SLC8A1: variants seen among roughly 807,000 people sequenced by gnomAD.
SLC8A1 encodes sodium/calcium exchanger 1.
SLC8A1 carries 18 observed loss-of-function variants against 68.3 expected under a neutral mutation model. The ratio of observed to expected loss-of-function variants is 0.26; its 90% CI spans 0.18 to 0.39. The LOEUF is 0.39. Ranked by LOEUF, SLC8A1 falls within the 10% of genes least tolerant of loss-of-function variation. The probability of loss-of-function intolerance (pLI) is 1.00; values close to 1 mark genes in which losing one functional copy is unlikely to be tolerated. For synonymous variants in SLC8A1, 475 were observed against 415.5 expected, an observed-to-expected ratio of 1.14 and a Z score of -1.74; for missense variants, 985 against 1,156.7, an observed-to-expected ratio of 0.85 and a Z score of 2.15.
chr2:40,117,818 G>A (rs950652013), intron 7 of SLC8A1, among the ~76,000 whole-genome samples: 8 of 152,002 alleles, frequency 5.3e-5, no homozygotes, highest in South Asian at 2.1e-4. Context: ...TCCTTCCTCC[G>A]TAAACTTCCA....
chr2:40,387,998 C>A (rs1191056898), intron 2 of SLC8A1, among the ~76,000 whole-genome samples: 1 of 150,626 alleles, frequency 6.6e-6, no homozygotes, highest in Non-Finnish European at 1.5e-5. Context: ...GGAAATCTCT[C>A]ATACCAGTTA....
chr2:40,193,027 G>A (rs1404789135), intron 2 of SLC8A1, among the ~76,000 whole-genome samples: 1 of 152,136 alleles, frequency 6.6e-6, no homozygotes, highest in African/African-American at 2.4e-5. Flanking sequence ...CACAGTGCTG[G>A]CACATAGTGT....
intron 2 of SLC8A1, among the ~76,000 whole-genome samples, chr2:40,241,337 C>G (rs1413161232): frequency 6.6e-6 from 1 of 152,040 alleles, no homozygotes. Context: ...AATAGACACT[C>G]TGGACTACCT....
rs543933696 is a variant in SLC8A1, at chr2:40,419,369, G to A, written c.1808+9104C>T. Among the ~76,000 whole-genome samples, 15 of 152,194 alleles carry A rather than the reference G, an allele frequency of 9.9e-5. No individual in the cohort carries two copies. The South Asian group carries it at 1.9e-3, about 19-fold the overall frequency. Reference sequence around the variant, plus strand: ...TACTCTCATACTGTCTTCTGTTTGCGTGAGCAAGAGTATGGACTAATTCCA... The same window carrying A: ...TACTCTCATACTGTCTTCTGTTTGCATGAGCAAGAGTATGGACTAATTCCA... On this transcript the variant is annotated intron_variant, in intron 2 of 7. Transcript: ENST00000406785.
chr2:40,493,650 ATTTTTTT>A (rs70957182), intron 1 of SLC8A1, among the ~76,000 whole-genome samples: 1 of 134,616 alleles, frequency 7.4e-6, no homozygotes. Context: ...TTTCCTCAGT[ATTTTTTT>A]TTTTTTTTTT....
At chr2:40,320,180 A>G (rs2075020420) in intron 2 of SLC8A1, among the ~76,000 whole-genome samples, 1 of 152,130 alleles carries the variant, frequency 6.6e-6, no homozygotes, top group South Asian at 2.1e-4. Flanking sequence ...ATTTAATGTA[A>G]GTGCCACATA....
At chr2:40,174,523 G>A (rs1457724467) in intron 4 of SLC8A1, among the ~76,000 whole-genome samples, 183 bp downstream of exon 6, 1 of 151,984 alleles carries the variant, frequency 6.6e-6, no homozygotes. Context: ...TTTTCCATAT[G>A]AACAGCTTAT....
chr2:40,311,765 T>C (rs1439698783), intron 2 of SLC8A1, among the ~76,000 whole-genome samples: 1 of 152,170 alleles, frequency 6.6e-6, no homozygotes, highest in East Asian at 1.9e-4. Context: ...ATAATTAAAA[T>C]ATTAAAAATA....
At chr2:40,234,611 C>T (rs1244275230) in intron 2 of SLC8A1, among the ~76,000 whole-genome samples, 1 of 152,136 alleles carries the variant, frequency 6.6e-6, no homozygotes, top group Non-Finnish European at 1.5e-5. Flanking sequence ...TGCCTAATTG[C>T]CCTGGCCAGA....
At chr2:40,165,819 C>T (rs762262210) in intron 4 of SLC8A1, among the ~76,000 whole-genome samples, 4 of 152,162 alleles carry the variant, frequency 2.6e-5, no homozygotes, top group Non-Finnish European at 5.9e-5. Context: ...AGTTGGCTCT[C>T]TCTTTGTGAA....
chr2:40,099,778 T>A (rs754066249), exon 8 of SLC8A1: 2 of 152,036 alleles, frequency 1.3e-5, no homozygotes, highest in Non-Finnish European at 2.9e-5. Context: ...CACCAAGTTA[T>A]TCAGTGGGAA....
At chr2:40,448,589 G>A (rs1701868209) in intron 1 of SLC8A1, among the ~76,000 whole-genome samples, 1 of 152,184 alleles carries the variant, frequency 6.6e-6, no homozygotes, top group African/African-American at 2.4e-5. Context: ...AAGAATTAGA[G>A]CCAAAGTGAT....
At chr2:40,340,834 G>A (rs142737561) in intron 2 of SLC8A1, among the ~76,000 whole-genome samples, 3 of 152,236 alleles carry the variant, frequency 2.0e-5, no homozygotes, top group African/African-American at 7.2e-5. Flanking sequence ...GAAAAAGTTT[G>A]AAGGAGTTAT....
At chr2:40,399,905 C>T (rs35148018) in intron 2 of SLC8A1, among the ~76,000 whole-genome samples, 82 of 152,188 alleles carry the variant, frequency 5.4e-4, no homozygotes, top group Non-Finnish European at 9.1e-4. Context: ...ACAAGCAGAC[C>T]GCCCGGCGCC....
rs72936405 is a variant in SLC8A1 at position 40,502,429 on chromosome 2, G to A, written c.-25+9920C>T. 8.0e-3 allele frequency among the ~76,000 whole-genome samples: 1,212 copies of A among 151,972 alleles called. 19 individuals carry two copies. The highest frequency in any genetic ancestry group is 0.028 in the African/African-American group (1,153 of 41,466). On this transcript the variant is annotated intron_variant, in intron 1 of 7. Coordinates refer to the SLC8A1 transcript ENST00000402441. ...AGGGCTGTGTCTTAGTCATCATTTT[G>A]TACACCAAAATATAGTGTTTGAAAG...
intron 2 of SLC8A1, among the ~76,000 whole-genome samples, chr2:40,404,422 A>T (rs996959738): frequency 2.0e-5 from 3 of 152,202 alleles, no homozygotes; most frequent in Admixed American, 6.5e-5. Flanking sequence ...ATGACAATAC[A>T]TTTTTTGCAA....
At chr2:40,429,522 A>G (rs570050514) in exon 2 of SLC8A1, 3 of 1,613,844 alleles carry the variant, frequency 1.9e-6, no homozygotes, top group South Asian at 2.2e-5. Flanking sequence ...GAAGTCTCCT[A>G]TCCGCTACCC....
intron 6 of SLC8A1, among the ~76,000 whole-genome samples, chr2:40,155,731 A>G (rs1173561799): frequency 1.3e-5 from 2 of 152,218 alleles, no homozygotes; most frequent in African/African-American, 4.8e-5. Context: ...CAAAGCATGC[A>G]TGGATGGACT....
rs149035553 is a variant in SLC8A1, at chr2:40,153,250, C to T, written c.2161+7515G>A. Among the ~76,000 whole-genome samples, 402 of 152,158 alleles carry T rather than the reference C, an allele frequency of 2.6e-3. 2 individuals are homozygous for T. The highest frequency in any genetic ancestry group is 9.3e-3 in the African/African-American group (385 of 41,514). On this transcript the variant is annotated intron_variant, in intron 6 of 7. Coordinates refer to ENST00000406785, the Ensembl canonical transcript of SLC8A1. ...ATGAGAATGAAGGGTCTTTAAGAGA[C>T]CCTTTAGTATTTCCATGTCCTAAAG...
Sources: allele counts gnomAD v4.1 joint callset (sites outside exome capture counted in the v4.1 genomes callset), GRCh38; gene constraint gnomAD v4.1.1; transcripts MANE v1.5; gene names NCBI Gene and HGNC (gene_info 2026-07-23, HGNC 2026-07-21).